The following MIB1 variants were observed in gnomAD, a reference collection of about 807,000 sequenced individuals.
MIB1 encodes the protein E3 ubiquitin-protein ligase MIB1.
In MIB1, 278 loss-of-function variants were observed where a neutral mutation model predicts 124.5. The observed-to-expected ratio is 2.23, with a 90% CI of 2.02 to 2.47. MIB1 has a LOEUF of 2.47. Among genes scored for constraint, MIB1 ranks in the 30% most tolerant of loss-of-function variants. The probability of loss-of-function intolerance (pLI) is 0.00; values close to 1 mark genes in which losing one functional copy is unlikely to be tolerated. For missense variants in MIB1, 957 were observed against 1,254.4 expected (o/e 0.76, Z 3.58); for synonymous variants, 446 against 429.4 (o/e 1.04, Z -0.48).
At chr18:21,799,416 G>T (rs779926991) in intron 8 of MIB1, among the ~76,000 whole-genome samples, 1 of 151,934 alleles carries the variant, frequency 6.6e-6, no homozygotes, top group African/African-American at 2.4e-5. Context: ...TGTTGCTTTT[G>T]ATCATAACCA....
At chr18:21,787,401 G>A (rs1328976526) in intron 6 of MIB1, among the ~76,000 whole-genome samples, 14 of 152,182 alleles carry the variant, frequency 9.2e-5, no homozygotes, top group African/African-American at 3.4e-4. Flanking sequence ...CAAGGGCTAG[G>A]TTTGCTAGTC....
In MIB1 at chr18:21,727,156, T is replaced by C. The variant is rs2040745959; in HGVS notation, n.167+22033T>C. On this transcript the variant is annotated intron_variant and non_coding_transcript_variant, in intron 1 of 20. Transcript: ENST00000578646. ...ACAGAGTGTTGCTCTGTTGCCCAGG[T>C]TGGAGTGCAGTAGTGTGAACTCAGC... is the stretch of plus-strand genomic sequence containing the variant. Among the ~76,000 whole-genome samples the C allele has an allele frequency of 2.0e-5, 3 of 152,186 alleles. No individual in the cohort carries two copies. In the South Asian group the frequency reaches 6.2e-4, roughly 32 times the overall value.
chr18:21,790,942 A>G (rs2959519), intron 6 of MIB1, among the ~76,000 whole-genome samples: 10,401 of 152,156 alleles, frequency 0.068, 754 homozygotes, highest in African/African-American at 0.18. Flanking sequence ...GGTGGTTCAC[A>G]CCTGTAATCC....
chr18:21,825,226 A>G (rs917049013), intron 12 of MIB1, among the ~76,000 whole-genome samples: 7 of 152,132 alleles, frequency 4.6e-5, no homozygotes, highest in Non-Finnish European at 8.8e-5. Context: ...AAAGGCCAAT[A>G]CTATGGAAGA....
chr18:21,840,657 ATATATATATTTTTTTTTT>A (rs1363361027), intron 13 of MIB1, among the ~76,000 whole-genome samples: 2 of 1,680 alleles, frequency 1.2e-3, no homozygotes, highest in Non-Finnish European at 3.9e-3. Flanking sequence ...ATATATATAT[ATATATATATTTTTTTTTT>A]TTTTTAATTA....
chr18:21,750,075 G>T (rs756179607), intron 1 of MIB1, among the ~76,000 whole-genome samples: 4 of 151,284 alleles, frequency 2.6e-5, no homozygotes, highest in Non-Finnish European at 4.4e-5. Context: ...GAAAAATTAG[G>T]TTTTTTTTGC....
chr18:21,794,141 A>G (rs556458231), intron 7 of MIB1: 18 of 152,336 alleles, frequency 1.2e-4, no homozygotes, highest in African/African-American at 3.8e-4. Context: ...GCCTGGGCTA[A>G]TGTAGTGAGA....
At chr18:21,749,868 C>A (rs1437251520) in intron 1 of MIB1, among the ~76,000 whole-genome samples, 2 of 151,852 alleles carry the variant, frequency 1.3e-5, no homozygotes, top group Non-Finnish European at 2.9e-5. Flanking sequence ...TCTCGAACTC[C>A]CGACCTCAGG....
chr18:21,864,139 A>G (rs540148563), intron 20 of MIB1, among the ~76,000 whole-genome samples: 13 of 152,182 alleles, frequency 8.5e-5, no homozygotes, highest in Non-Finnish European at 1.9e-4. Flanking sequence ...GTCTGCCTAG[A>G]ATTTCTCTGC....
intron 1 of MIB1, among the ~76,000 whole-genome samples, chr18:21,726,211 T>G (rs2040741480): frequency 6.6e-6 from 1 of 152,058 alleles, no homozygotes; most frequent in South Asian, 2.1e-4. Context: ...ACCATTGCAC[T>G]CCAGCCTGTG....
chr18:21,792,038 C>T (rs560097649), intron 7 of MIB1, among the ~76,000 whole-genome samples: 1 of 152,322 alleles, frequency 6.6e-6, no homozygotes, highest in African/African-American at 2.4e-5. Flanking sequence ...TGTTCATCAA[C>T]AACAAACAAA....
intron 1 of MIB1, among the ~76,000 whole-genome samples, chr18:21,746,695 T>G (rs1334436395): frequency 6.6e-6 from 1 of 152,186 alleles, no homozygotes; most frequent in Non-Finnish European, 1.5e-5. Context: ...GAATGTAGAT[T>G]TCCTGTTAAG....
chr18:21,769,437 G>C (rs1272781655), intron 3 of MIB1, among the ~76,000 whole-genome samples: 2 of 152,188 alleles, frequency 1.3e-5, no homozygotes, highest in African/African-American at 2.4e-5. Flanking sequence ...CTTTCAACTT[G>C]TTTGGCCACC....
At chr18:21,834,358 T>A (rs1054660994) in intron 12 of MIB1, among the ~76,000 whole-genome samples, 1 of 152,076 alleles carries the variant, frequency 6.6e-6, no homozygotes, top group Non-Finnish European at 1.5e-5. Context: ...GGGCTGTAGG[T>A]CTCTGTTCAA....
chr18:21,841,113 C>G (rs1170379999), intron 13 of MIB1, among the ~76,000 whole-genome samples: 2 of 152,082 alleles, frequency 1.3e-5, no homozygotes, highest in Non-Finnish European at 2.9e-5. Context: ...TGCCTGTAAT[C>G]CAAGCACTTT....
chr18:21,869,018 T>C lies in MIB1; in HGVS notation c.*4352T>C, dbSNP rs2042339044. 2 of 152,450 alleles carry C rather than the reference T, an allele frequency of 1.3e-5. No individual in the cohort carries two copies. The highest frequency in any genetic ancestry group is 2.9e-5 in the Non-Finnish European group (2 of 67,896). The allele number at this position is 152,450 out of a possible 1,614,324, so 9.4% of individuals were successfully genotyped here. ...TCAGAGTATTACTTTTTCCAGCATT[T>C]ATTCTTATTTGTGAGTAAAGAGGAA... is the stretch of plus-strand genomic sequence containing the variant. On this transcript the variant is annotated 3_prime_UTR_variant, in exon 21 of 21. Transcript: ENST00000261537.
chr18:21,767,413 A>G (rs1364737826), intron 2 of MIB1, among the ~76,000 whole-genome samples: 1 of 152,154 alleles, frequency 6.6e-6, no homozygotes, highest in Non-Finnish European at 1.5e-5. Context: ...AACCGCCCCC[A>G]TGATTAAGTT....
At chr18:21,711,525 C>T (rs922131410) in intron 1 of MIB1, among the ~76,000 whole-genome samples, 4 of 151,950 alleles carry the variant, frequency 2.6e-5, no homozygotes, top group African/African-American at 7.3e-5. Context: ...TCAAATCATG[C>T]GCCCACCTCG....
chr18:21,760,225 G>C (rs537822562), intron 1 of MIB1, among the ~76,000 whole-genome samples: 17 of 152,292 alleles, frequency 1.1e-4, no homozygotes, highest in Non-Finnish European at 2.1e-4. Flanking sequence ...TGTTGCCAGG[G>C]CTAATGGTTT....
Sources: allele counts gnomAD v4.1 joint callset (sites outside exome capture counted in the v4.1 genomes callset), GRCh38; gene constraint gnomAD v4.1.1; transcripts MANE v1.5; gene names NCBI Gene and HGNC (gene_info 2026-07-23, HGNC 2026-07-21).